The following AFG2A variants were observed in gnomAD, a reference collection of about 807,000 sequenced individuals.
The protein encoded by AFG2A is AAA ATPase AFG2A, also known as ATPase family gene 2 protein homolog A.
the AFG2A span, among the ~76,000 whole-genome samples, chr4:123,093,840 G>A: frequency 6.6e-6 from 1 of 152,162 alleles, no homozygotes; most frequent in South Asian, 2.1e-4. Flanking sequence ...TCATCTTTAT[G>A]TTGACTTTAG....
the AFG2A span, among the ~76,000 whole-genome samples, chr4:123,117,728 G>A: frequency 1.3e-5 from 2 of 151,804 alleles, no homozygotes; most frequent in South Asian, 4.2e-4. Context: ...AAAAAAAAAT[G>A]CAGGTTGGAG....
chr4:123,173,454 C>T, the AFG2A span, among the ~76,000 whole-genome samples: 1 of 132,792 alleles, frequency 7.5e-6, no homozygotes, highest in East Asian at 2.6e-4. Context: ...CTCCCAGGTT[C>T]AAATGATTCT....
the AFG2A span, among the ~76,000 whole-genome samples, chr4:122,935,337 G>A: frequency 0.057 from 8,588 of 151,980 alleles, 757 homozygotes; most frequent in African/African-American, 0.19. Context: ...ACTAGCAAAC[G>A]TATGTACTCT....
At chr4:123,197,439 C>T in the AFG2A span, among the ~76,000 whole-genome samples, 2 of 152,110 alleles carry the variant, frequency 1.3e-5, no homozygotes, top group Admixed American at 6.6e-5. Flanking sequence ...GCTCACTGAC[C>T]ATGCTCTCTA....
At chr4:123,292,285 T>G in the AFG2A span, among the ~76,000 whole-genome samples, 4 of 152,164 alleles carry the variant, frequency 2.6e-5, no homozygotes, top group Non-Finnish European at 4.4e-5. Flanking sequence ...TTATTGTGAT[T>G]TCTTTATGTT....
chr4:123,260,073 G>A, the AFG2A span: 3,313 of 152,214 alleles, frequency 0.022, 65 homozygotes, highest in Non-Finnish European at 0.035. Flanking sequence ...TGACAGGGAG[G>A]AGCCGATTGG....
the AFG2A span, among the ~76,000 whole-genome samples, chr4:123,007,635 C>CAG: frequency 4.3e-5 from 1 of 23,394 alleles, no homozygotes; most frequent in African/African-American, 1.0e-4. Context: ...TATATACACA[C>CAG]ACACACAACA....
At chr4:123,310,212 T>G in the AFG2A span, among the ~76,000 whole-genome samples, 3 of 152,240 alleles carry the variant, frequency 2.0e-5, no homozygotes, top group African/African-American at 7.2e-5. Flanking sequence ...CAGCTGCTTG[T>G]GCATCAGCTG....
chr4:123,017,267 C>T, the AFG2A span, among the ~76,000 whole-genome samples: 25 of 147,038 alleles, frequency 1.7e-4, no homozygotes, highest in African/African-American at 5.7e-4. Context: ...AGAGCGAGAG[C>T]GAGAGCGAGA....
chr4:123,196,240 A>T, the AFG2A span, among the ~76,000 whole-genome samples: 1 of 135,514 alleles, frequency 7.4e-6, no homozygotes, highest in African/African-American at 2.7e-5. Flanking sequence ...TGATATCCTG[A>T]CCTCGTGATC....
chr4:122,988,846 T>TC, the AFG2A span, among the ~76,000 whole-genome samples: 1 of 152,222 alleles, frequency 6.6e-6, no homozygotes, highest in African/African-American at 2.4e-5. Flanking sequence ...TGTGACAAGA[T>TC]AATTTCAGAA....
chr4:123,306,422 G>A, the AFG2A span, among the ~76,000 whole-genome samples: 2 of 152,020 alleles, frequency 1.3e-5, no homozygotes, highest in Non-Finnish European at 2.9e-5. Flanking sequence ...TCTTCGTCTA[G>A]CTCTGACAGT....
At chr4:123,154,073 A>C in the AFG2A span, among the ~76,000 whole-genome samples, 11 of 152,196 alleles carry the variant, frequency 7.2e-5, no homozygotes, top group East Asian at 1.9e-4. Flanking sequence ...TTGTTAGCCA[A>C]CTTGAACAAC....
the AFG2A span, among the ~76,000 whole-genome samples, chr4:123,182,304 A>G: frequency 6.6e-6 from 1 of 152,226 alleles, no homozygotes; most frequent in Admixed American, 6.5e-5. Flanking sequence ...AATTCTTCAT[A>G]GTATAGCATC....
the AFG2A span, among the ~76,000 whole-genome samples, chr4:123,114,321 G>A: frequency 1.3e-5 from 2 of 152,138 alleles, no homozygotes; most frequent in Non-Finnish European, 2.9e-5. Context: ...GGCCTCACCA[G>A]GGACCTGCCC....
chr4:123,124,436 A>C, the AFG2A span, among the ~76,000 whole-genome samples: 1,826 of 152,328 alleles, frequency 0.012, 14 homozygotes, highest in Non-Finnish European at 0.014. Flanking sequence ...GGAATTGAAC[A>C]ATGAGAACAC....
chr4:123,172,232 G>A, the AFG2A span, among the ~76,000 whole-genome samples: 1 of 152,176 alleles, frequency 6.6e-6, no homozygotes, highest in African/African-American at 2.4e-5. Context: ...GATAAACAAA[G>A]TAAGATGTGT....
the AFG2A span, among the ~76,000 whole-genome samples, chr4:122,929,702 G>GA: frequency 0.88 from 132,592 of 150,608 alleles, 58,528 homozygotes; most frequent in East Asian, 0.96. Context: ...GTGTCTCAAA[G>GA]AAAAAAAAAG....
the AFG2A span, among the ~76,000 whole-genome samples, chr4:123,123,714 G>A: frequency 3.3e-5 from 5 of 151,866 alleles, no homozygotes; most frequent in East Asian, 3.9e-4. Flanking sequence ...TTGGGAGGCC[G>A]AGACGGGTGG....
Sources: allele counts gnomAD v4.1 joint callset (sites outside exome capture counted in the v4.1 genomes callset), GRCh38; gene constraint gnomAD v4.1.1; transcripts MANE v1.5; gene names NCBI Gene and HGNC (gene_info 2026-07-23, HGNC 2026-07-21).